TRPM2: variants seen among roughly 807,000 people sequenced by gnomAD.
The protein encoded by TRPM2 is estrogen-responsive element-associated gene 1 protein.
A neutral mutation model predicts 174.0 loss-of-function variants in TRPM2; 161 were observed. The ratio of observed to expected loss-of-function variants is 0.93; its 90% CI spans 0.81 to 1.05. TRPM2 has a LOEUF of 1.05. Among genes scored for constraint, TRPM2 ranks in the 50% least tolerant of loss-of-function variants. The pLI, the probability that TRPM2 is intolerant of heterozygous loss-of-function variation, is 0.00. For synonymous variants in TRPM2, 954 were observed against 861.3 expected (o/e 1.11, Z -1.88); for missense variants, 2,057 against 2,038.0 (o/e 1.01, Z -0.18).
At chr21:44,356,718 C>T (rs546468077) in intron 2 of TRPM2, among the ~76,000 whole-genome samples, 1 of 152,224 alleles carries the variant, frequency 6.6e-6, no homozygotes, top group African/African-American at 2.4e-5. Context: ...GCTGGGATTT[C>T]AGGCATAAGC....
chr21:44,423,434 T>C (rs908275992), intron 22 of TRPM2: 2 of 547,806 alleles, frequency 3.7e-6, no homozygotes, highest in Admixed American at 3.0e-5. Context: ...GCCTCGGCTG[T>C]CCGTCTGCTG....
chr21:44,418,691 G>T, intron 22 of TRPM2, 136 bp downstream of exon 22: 1 of 1,165,222 alleles, frequency 8.6e-7, no homozygotes, highest in Non-Finnish European at 1.2e-6. Flanking sequence ...GTATCCCGTG[G>T]CCCCTGCAAT....
chr21:44,437,833 A>G (rs180714575), intron 29 of TRPM2, among the ~76,000 whole-genome samples: 245 of 152,322 alleles, frequency 1.6e-3, no homozygotes, highest in African/African-American at 5.6e-3. Flanking sequence ...CGCTCACTGC[A>G]GGGGATGGAA....
intron 9 of TRPM2, among the ~76,000 whole-genome samples, chr21:44,385,089 C>A (rs2146221313): frequency 6.6e-6 from 1 of 152,272 alleles, no homozygotes; most frequent in East Asian, 1.9e-4. Context: ...TACACTATGA[C>A]TACATGAGAT....
intron 19 of TRPM2, among the ~76,000 whole-genome samples, chr21:44,412,676 T>C (rs535467040): frequency 2.6e-5 from 4 of 151,942 alleles, no homozygotes; most frequent in Non-Finnish European, 1.5e-5. Flanking sequence ...TCCCACTGGG[T>C]ATGATGTTAG....
At position 44,418,378 on chromosome 21, in the gene TRPM2, T is replaced by A. The variant is rs1211721377; in HGVS notation, c.3329-45T>A. 5.6e-6 allele frequency: 9 copies of A among 1,604,048 alleles called. No homozygotes were observed. In the Admixed American group the frequency reaches 1.5e-4, roughly 27 times the overall value. Reference sequence around the variant, plus strand: ...GTGGGTCAGGGCTTCAGGGCCCACCTCCTGAGGATTCCAGGTCCCCTGGTC... The same window carrying A: ...GTGGGTCAGGGCTTCAGGGCCCACCACCTGAGGATTCCAGGTCCCCTGGTC... On this transcript the variant is annotated intron_variant, in intron 21 of 31. Coordinates refer to ENST00000397928, the MANE Select transcript of TRPM2 (RefSeq NM_003307.4).
chr21:44,395,591 T>C (rs2049324227), intron 12 of TRPM2, 40 bp downstream of exon 12: 1 of 1,610,384 alleles, frequency 6.2e-7, no homozygotes. Flanking sequence ...GACACAGCTA[T>C]AGGCCAGCGG....
In TRPM2 at chr21:44,397,775, C is replaced by T. The variant is rs748782271; in HGVS notation, c.1961C>T (p.Ala654Val). 1 of 1,600,634 alleles carries T rather than the reference C, an allele frequency of 6.2e-7. No individual in the cohort carries two copies. The highest frequency in any genetic ancestry group is 8.5e-7 in the Non-Finnish European group (1 of 1,173,746). ...CAGGACTGCATCGCAGCGGCCTTGG[C>T]CTGCAGCAAGATCCTGAAGGAACTG... ...QSQDCIAAAL[A>V]CSKILKELSK... Residue 654 changes from alanine to valine, a missense_variant, in exon 13 of 32, where the codon GCC becomes GTC. Physicochemically the swap from Ala to Val is moderately conservative, Grantham distance 64 (BLOSUM62 0). Transcript: ENST00000397928.
intron 19 of TRPM2, among the ~76,000 whole-genome samples, chr21:44,408,781 C>T (rs981906276): frequency 9.9e-5 from 15 of 151,858 alleles, no homozygotes; most frequent in African/African-American, 3.1e-4. Flanking sequence ...CCTCAGCCTC[C>T]CGAGTAGCTG....
rs372091825 is a variant in TRPM2 at position 44,439,202 on chromosome 21, G to A, written c.4269+34G>A. 39 of 1,586,018 alleles carry A rather than the reference G, an allele frequency of 2.5e-5. No individual in the cohort carries two copies. The highest frequency in any genetic ancestry group is 3.4e-5 in the Non-Finnish European group (39 of 1,155,996). The stretch of plus-strand genomic sequence containing the variant: ...GGCCTGTTTGCTCTGTTCCACCTGT[G>A]TGTCCCCAGGGCTGCAGGACAAACA... On this transcript the variant is annotated intron_variant, in intron 30 of 31. Transcript: ENST00000397928. This position sits in a 1 kb window ranked among gnomAD's most constrained non-coding sequence, Gnocchi z 5.1.
At chr21:44,409,824 C>T (rs1373811538) in intron 19 of TRPM2, among the ~76,000 whole-genome samples, 1 of 149,636 alleles carries the variant, frequency 6.7e-6, no homozygotes, top group East Asian at 2.0e-4. Context: ...ACCGCACTGT[C>T]TTGGTGAGCG....
At chr21:44,428,921 A>G (rs556127418) in intron 27 of TRPM2, among the ~76,000 whole-genome samples, 59 of 152,324 alleles carry the variant, frequency 3.9e-4, no homozygotes, top group East Asian at 3.9e-4. Context: ...TCATGCCACT[A>G]TTTGCCACAG....
chr21:44,407,044 C>T (rs999600525), intron 19 of TRPM2, among the ~76,000 whole-genome samples: 6 of 149,216 alleles, frequency 4.0e-5, no homozygotes, highest in African/African-American at 1.2e-4. Flanking sequence ...AGCTGACAGC[C>T]CCCTGAAATG....
intron 5 of TRPM2, 66 bp from the exon 6 acceptor site, chr21:44,375,767 A>G (rs2048678988): frequency 8.5e-6 from 13 of 1,525,596 alleles, no homozygotes; most frequent in East Asian, 4.7e-5. Context: ...GCCGGTGTTC[A>G]GCCTGCTCGC....
At chr21:44,429,326 T>C (rs937270854) in intron 27 of TRPM2, among the ~76,000 whole-genome samples, 14 of 142,454 alleles carry the variant, frequency 9.8e-5, no homozygotes, top group African/African-American at 3.8e-4. Flanking sequence ...TCACTTTTGT[T>C]GCCCAGGCTG....
In TRPM2 at chr21:44,406,699, C is replaced by T. The variant is rs541387140; in HGVS notation, c.2896C>T (p.Leu966=). The change falls in exon 19 of 32, where the codon CTG becomes TTG. Residue 966 remains leucine, a synonymous_variant. Coordinates refer to ENST00000397928, the MANE Select transcript of TRPM2 (RefSeq NM_003307.4). ...CCACAACGAGCGCCGGGTGGACTGG[C>T]TGTTCCGAGGGGCCGTCTACCACTC... ...LIHNERRVDW[L]FRGAVYHSYL... 6.2e-7 allele frequency: 1 copy of T among 1,609,492 alleles called. No individual in the cohort carries two copies. Among genetic ancestry groups the T allele is most frequent in the East Asian group, 2.2e-5 (1 of 44,856 alleles).
intron 19 of TRPM2, among the ~76,000 whole-genome samples, chr21:44,408,252 C>T (rs1368046692): frequency 6.6e-6 from 1 of 152,078 alleles, no homozygotes; most frequent in East Asian, 1.9e-4. Context: ...GGGCCGTTTC[C>T]ACTTTTCACA....
chr21:44,362,365 A>AAAAAAAAAG (rs1201529326), intron 2 of TRPM2, among the ~76,000 whole-genome samples: 6 of 144,380 alleles, frequency 4.2e-5, no homozygotes, highest in African/African-American at 1.6e-4. Context: ...AAAAAAAAAA[A>AAAAAAAAAG]GCCAGATGTG....
intron 28 of TRPM2, among the ~76,000 whole-genome samples, chr21:44,436,465 G>A (rs2051269690): frequency 6.6e-6 from 1 of 151,878 alleles, no homozygotes. Flanking sequence ...CCTCTCCTTG[G>A]CCTGCCCAGG....
Sources: gnomAD v4.1 joint callset for allele counts (sites outside exome capture counted in the v4.1 genomes callset) on GRCh38, gnomAD v4.1.1 for gene constraint, Gnocchi (gnomAD v3.1) non-coding constraint, MANE v1.5 for transcripts, NCBI Gene and HGNC (gene_info 2026-07-23, HGNC 2026-07-21) for gene names.